Variants in ASRGL1 observed in about 807,000 individuals in gnomAD.
The protein encoded by ASRGL1 is isoaspartyl peptidase/L-asparaginase.
In ASRGL1, 16 loss-of-function variants were observed where a neutral mutation model predicts 22.4. The observed-to-expected ratio is 0.71, with a 90% confidence interval of 0.48 to 1.08. The LOEUF is 1.08. Ranked by LOEUF, ASRGL1 falls within the 50% of genes least tolerant of loss-of-function variation. ASRGL1 has a pLI of 0.00. For missense variants in ASRGL1, 412 were observed against 410.1 expected (o/e 1.00, Z -0.04); for synonymous variants, 165 against 159.3 (o/e 1.04, Z -0.27).
chr11:62,391,865 T>G, intron 6 of ASRGL1: 1 of 735,058 alleles, frequency 1.4e-6, no homozygotes, highest in East Asian at 2.7e-5. Flanking sequence ...AGAGAGACAT[T>G]GAGCCTGGAT....
chr11:62,372,532 GT>G, intron 4 of ASRGL1: 1 of 984,042 alleles, frequency 1.0e-6, no homozygotes, highest in Non-Finnish European at 1.6e-6. Context: ...CTGCAAACTA[GT>G]TCCCCAGCGA....
chr11:62,351,581 C>T (rs1459621156), intron 2 of ASRGL1, among the ~76,000 whole-genome samples: 2 of 149,076 alleles, frequency 1.3e-5, no homozygotes, highest in Admixed American at 6.8e-5. Flanking sequence ...ACCTGGGAGG[C>T]GGAGGTTGCA....
chr11:62,390,505 A>G (rs1048898690), intron 5 of ASRGL1, among the ~76,000 whole-genome samples: 3 of 152,190 alleles, frequency 2.0e-5, no homozygotes, highest in Non-Finnish European at 4.4e-5. Flanking sequence ...ACCCTTGGAG[A>G]CACCTGGCCT....
At position 62,384,035 on chromosome 11, in the gene ASRGL1, C is replaced by T. The variant is rs77623389; in HGVS notation, c.492-5098C>T. On this transcript the variant is annotated intron_variant, in intron 4 of 6. Transcript: ENST00000415229. Reference sequence around the variant, plus strand: ...GCATGTGTGTGTGTGCACGTGTGTGCGTGTGTGTGTGTGTGTGTTTGCCAT... The same window carrying T: ...GCATGTGTGTGTGTGCACGTGTGTGTGTGTGTGTGTGTGTGTGTTTGCCAT... 7.1e-4 allele frequency among the ~76,000 whole-genome samples: 106 copies of T among 150,284 alleles called. 1 individual carries two copies. The highest frequency in any genetic ancestry group is 9.1e-4 in the Non-Finnish European group (61 of 67,374).
chr11:62,383,733 G>A (rs1373723242), intron 4 of ASRGL1, among the ~76,000 whole-genome samples: 1 of 150,948 alleles, frequency 6.6e-6, no homozygotes, highest in African/African-American at 2.4e-5. Context: ...ACCAGCCTGG[G>A]CAACATGGTG....
At chr11:62,391,888 A>T in intron 6 of ASRGL1, 191 bp from the exon 7 acceptor site, 1 of 744,470 alleles carries the variant, frequency 1.3e-6, no homozygotes, top group Middle Eastern at 3.9e-4. Context: ...GGGAGGGAAG[A>T]CCCCTCTGCT....
chr11:62,373,179 TC>T, intron 4 of ASRGL1: 1 of 1,110,904 alleles, frequency 9.0e-7, no homozygotes, highest in Non-Finnish European at 1.4e-6. Flanking sequence ...CCTCTGATGC[TC>T]CCAGAGACTC....
At chr11:62,353,323 A>G (rs1043889936) in intron 2 of ASRGL1, among the ~76,000 whole-genome samples, 1 of 141,576 alleles carries the variant, frequency 7.1e-6, no homozygotes, top group African/African-American at 2.6e-5. Context: ...TTTCAAGTTC[A>G]TTGAAGCATT....
intron 2 of ASRGL1, among the ~76,000 whole-genome samples, chr11:62,352,684 G>C (rs1336966728): frequency 6.6e-6 from 1 of 152,164 alleles, no homozygotes; most frequent in Non-Finnish European, 1.5e-5. Flanking sequence ...ATTCCTGAAG[G>C]ATATTTGCGG....
intron 2 of ASRGL1, among the ~76,000 whole-genome samples, chr11:62,356,085 A>G (rs1393434604): frequency 2.6e-5 from 4 of 152,024 alleles, no homozygotes; most frequent in Admixed American, 1.3e-4. Context: ...CCCCCTTTCT[A>G]TTCCACAAAA....
intron 2 of ASRGL1, among the ~76,000 whole-genome samples, chr11:62,344,620 A>T (rs1945966589): frequency 6.6e-6 from 1 of 151,232 alleles, no homozygotes; most frequent in South Asian, 2.1e-4. Flanking sequence ...GTGGCTACAT[A>T]GTAGGTGTAT....
At chr11:62,337,640 T>C (rs1032462974) in intron 1 of ASRGL1, 66 bp downstream of exon 1, 1 of 238,472 alleles carries the variant, frequency 4.2e-6, no homozygotes, top group Non-Finnish European at 8.1e-6. Flanking sequence ...TAAACGAAAA[T>C]AGACATTTTC....
intron 4 of ASRGL1, among the ~76,000 whole-genome samples, chr11:62,379,385 G>A (rs928191297): frequency 3.9e-5 from 6 of 152,072 alleles, no homozygotes; most frequent in Admixed American, 2.0e-4. Flanking sequence ...CTTTCCTGCC[G>A]GATCAGTGCT....
At chr11:62,393,865 T>A (rs1266546515), downstream of ASRGL1, among the ~76,000 whole-genome samples, 1 of 151,692 alleles carries the variant, frequency 6.6e-6, no homozygotes, top group African/African-American at 2.4e-5. Flanking sequence ...TCCCGAGGCC[T>A]CTCTCCATGG....
chr11:62,390,642 G>C (rs1439429089), intron 5 of ASRGL1, among the ~76,000 whole-genome samples: 1 of 152,154 alleles, frequency 6.6e-6, no homozygotes, highest in Non-Finnish European at 1.5e-5. Context: ...AAGTAAAGGC[G>C]CCTCCTCCCA....
intron 4 of ASRGL1, among the ~76,000 whole-genome samples, chr11:62,363,398 A>G (rs1307161880): frequency 3.3e-5 from 5 of 152,168 alleles, no homozygotes; most frequent in African/African-American, 4.8e-5. Flanking sequence ...ACCAGTTTCT[A>G]TAGAAACTAT....
At chr11:62,385,721 G>A (rs573269992) in intron 4 of ASRGL1, among the ~76,000 whole-genome samples, 27 of 151,588 alleles carry the variant, frequency 1.8e-4, no homozygotes, top group East Asian at 1.8e-3. Context: ...AAAATTAGTC[G>A]GGCATGGTGG....
At chr11:62,351,405 T>G (rs978509756) in intron 2 of ASRGL1, among the ~76,000 whole-genome samples, 10 of 152,288 alleles carry the variant, frequency 6.6e-5, no homozygotes, top group South Asian at 4.1e-4. Context: ...ATCCCAGCAC[T>G]TTGGGAGGCC....
chr11:62,371,804 A>T (rs1038929632), intron 4 of ASRGL1: 3 of 475,076 alleles, frequency 6.3e-6, no homozygotes, highest in Non-Finnish European at 1.2e-5. Context: ...TACAAAAAAA[A>T]TTAGCCGGGC....
Sources: allele counts gnomAD v4.1 joint callset (sites outside exome capture counted in the v4.1 genomes callset), GRCh38; gene constraint gnomAD v4.1.1; transcripts MANE v1.5; gene names NCBI Gene and HGNC (gene_info 2026-07-23, HGNC 2026-07-21).